EPS8L3: variants seen among roughly 807,000 people sequenced by gnomAD.
EPS8L3 encodes epidermal growth factor receptor kinase substrate 8-like protein 3.
In EPS8L3, 80 loss-of-function variants were observed where a neutral mutation model predicts 88.5. The ratio of observed to expected loss-of-function variants is 0.90; its 90% CI spans 0.75 to 1.09. EPS8L3 has a LOEUF of 1.09. Among genes scored for constraint, EPS8L3 ranks in the 50% least tolerant of loss-of-function variants. The pLI is 0.00. For missense variants in EPS8L3, 721 were observed against 735.2 expected (o/e 0.98, Z 0.22); for synonymous variants, 286 against 291.0 (o/e 0.98, Z 0.18).
chr1:109,751,920 G>T, intron 15 of EPS8L3, 75 bp downstream of exon 15: 1 of 1,564,548 alleles, frequency 6.4e-7, no homozygotes, highest in Non-Finnish European at 8.7e-7. Flanking sequence ...CTCCATCCCT[G>T]GACCATCCAC....
intron 12 of EPS8L3, among the ~76,000 whole-genome samples, chr1:109,753,758 C>A (rs780649388): frequency 6.6e-6 from 1 of 152,202 alleles, no homozygotes; most frequent in Non-Finnish European, 1.5e-5. Context: ...TGTTTGTGGC[C>A]TTCAGGCTTG....
rs1046858793 is a variant in EPS8L3, at chr1:109,759,939, G to A, written c.97-103C>T. Reference sequence around the variant, plus strand: ...CAGAAGAGGAAGAAGACGTGTCCTCGGCCCCCTTGAGGTAGGAGGTTCCAG... The same window carrying A: ...CAGAAGAGGAAGAAGACGTGTCCTCAGCCCCCTTGAGGTAGGAGGTTCCAG... On this transcript the variant is annotated intron_variant, in intron 3 of 18. Transcript: ENST00000361965. The surrounding 1 kb of genome is among the most constrained non-coding windows in gnomAD (Gnocchi z 4.2). 24 of 1,293,010 alleles carry A rather than the reference G, an allele frequency of 1.9e-5. No individual in the cohort carries two copies. Among genetic ancestry groups the A allele is most frequent in the Non-Finnish European group, 2.4e-5 (23 of 939,048 alleles). The allele number at this position is 1,293,010 out of a possible 1,614,324, so 80.1% of individuals were successfully genotyped here. A position where few individuals can be genotyped will look rare whatever the true frequency, so the allele number is the denominator to read the frequency against.
rs1650607636 is a variant in EPS8L3, at chr1:109,759,039, T to C, written c.461+23A>G. 1 of 1,583,316 alleles carries C rather than the reference T, an allele frequency of 6.3e-7. No individual in the cohort carries two copies. Among genetic ancestry groups the C allele is most frequent in the African/African-American group, 1.3e-5 (1 of 74,408 alleles). On this transcript the variant is annotated intron_variant, in intron 6 of 18. Transcript: ENST00000361965. This position sits in a 1 kb window ranked among gnomAD's most constrained non-coding sequence, Gnocchi z 4.2. ...AGGCTGAGCTGGGAGGCCCCATAGG[T>C]GGGCTGGGCAGAGGCTGCCTACCTT...
At chr1:109,751,445 A>C in intron 16 of EPS8L3, 94 bp from the exon 17 acceptor site, 1 of 1,412,200 alleles carries the variant, frequency 7.1e-7, no homozygotes, top group Non-Finnish European at 9.8e-7. Context: ...GTTCCCATCA[A>C]ATCACTTCTC....
In EPS8L3 at chr1:109,759,299, G is replaced by C; in HGVS notation, c.344C>G (p.Thr115Ser). 6.2e-7 allele frequency: 1 copy of C among 1,614,174 alleles called. No homozygotes were observed. The highest frequency in any genetic ancestry group is 2.2e-5 in the East Asian group (1 of 44,882). Reference sequence around the variant, plus strand: ...GCCTGGCAGGCCCGGCTCCTGCACGGTGATGGACAGGATGGAGTTGTAGGA... The same window carrying C: ...GCCTGGCAGGCCCGGCTCCTGCACGCTGATGGACAGGATGGAGTTGTAGGA... ...TCSYNSILSI[T>S]VQEPGLPGTS... Residue 115 changes from threonine (T) to serine (S), a missense_variant, in exon 5 of 19, where the codon ACC becomes AGC. Transcript: ENST00000361965. This position sits in a 1 kb window ranked among gnomAD's most constrained non-coding sequence, Gnocchi z 4.2.
Position 109,750,764 on chromosome 1 carries a change from C to T in EPS8L3, c.1666G>A (p.Gly556Arg), listed in dbSNP as rs148185176. 2.4e-4 allele frequency: 393 copies of T among 1,614,168 alleles called. 2 individuals are homozygous for T. In the Admixed American group the frequency reaches 3.4e-3, roughly 14 times the overall value. The change falls in exon 18 of 19, where the codon GGG (glycine) becomes AGG (arginine). Residue 556 changes from glycine to arginine, a missense_variant. Physicochemically the swap from Gly to Arg is moderately radical, Grantham distance 125 (BLOSUM62 -2). Transcript: ENST00000361965. ...ATVRTLGSLT[G>R]SQLLRIRPGE... is the part of the protein sequence containing the mutation. Reference sequence around the variant, plus strand: ...GGTCTTATGCGAAGTAGCTGGCTCCCCGTCAGGGACCCAAGTGTCCTCACC... The same window carrying T: ...GGTCTTATGCGAAGTAGCTGGCTCCTCGTCAGGGACCCAAGTGTCCTCACC...
intron 16 of EPS8L3, 38 bp downstream of exon 16, chr1:109,751,616 A>G: frequency 6.2e-7 from 1 of 1,612,584 alleles, no homozygotes; most frequent in South Asian, 1.1e-5. Flanking sequence ...CCTCCAACTC[A>G]AGACTTAGGG....
chr1:109,752,976 G>A, intron 13 of EPS8L3, 141 bp downstream of exon 13: 2 of 758,790 alleles, frequency 2.6e-6, no homozygotes, highest in Non-Finnish European at 2.2e-6. Context: ...CAGTCTGGTG[G>A]TGACTTTTGG....
intron 1 of EPS8L3, among the ~76,000 whole-genome samples, chr1:109,763,058 C>T (rs1651164949): frequency 6.6e-6 from 1 of 152,170 alleles, no homozygotes; most frequent in Non-Finnish European, 1.5e-5. Context: ...TACTGGACTA[C>T]CCCGGGTAAC....
intron 6 of EPS8L3, 117 bp from the exon 7 acceptor site, chr1:109,758,780 C>G (rs1650576861): frequency 9.8e-6 from 13 of 1,324,400 alleles, no homozygotes; most frequent in Admixed American, 2.7e-5. Flanking sequence ...AGTCCCACCC[C>G]CTGCTCCCTG....
At chr1:109,750,530 C>G (rs962867049) in intron 18 of EPS8L3, 128 bp from the exon 19 acceptor site, 10 of 1,575,420 alleles carry the variant, frequency 6.3e-6, no homozygotes, top group Non-Finnish European at 8.7e-6. Context: ...GGGGAATATC[C>G]TGTGCCCAGC....
intron 13 of EPS8L3, 136 bp downstream of exon 13, chr1:109,752,980 CT>C: frequency 1.3e-6 from 1 of 795,056 alleles, no homozygotes; most frequent in Non-Finnish European, 2.1e-6. Flanking sequence ...CTGGTGGTGA[CT>C]TTTGGGTTTC....
chr1:109,758,768 G>T, intron 6 of EPS8L3, 105 bp from the exon 7 acceptor site: 2 of 1,400,340 alleles, frequency 1.4e-6, no homozygotes, highest in Non-Finnish European at 1.9e-6. Context: ...CCTCTCTCCA[G>T]GAGTCCCACC....
rs760984560 is a variant in EPS8L3, at chr1:109,757,121, G to C, written c.1014C>G (p.Ile338Met). 2.5e-6 allele frequency: 4 copies of C among 1,613,994 alleles called. No homozygotes were observed. The highest frequency in any genetic ancestry group is 3.4e-6 in the Non-Finnish European group (4 of 1,179,924). Reference sequence around the variant, plus strand: ...TAGCTTTAGGGGTGAGGAGGGGTGAGATCACTTGGGCTGCTAGGCCAGCCT... The same window carrying C: ...TAGCTTTAGGGGTGAGGAGGGGTGACATCACTTGGGCTGCTAGGCCAGCCT... ...CPEAGLAAQV[I>M]SPLLTPKAIN... Residue 338 changes from isoleucine (I) to methionine (M), a missense_variant, in exon 12 of 19, where the codon ATC (isoleucine) becomes ATG (methionine). By Grantham distance (10) the Ile-to-Met change is conservative (BLOSUM62 1). Coordinates refer to ENST00000361965, the MANE Select transcript of EPS8L3 (RefSeq NM_133181.4).
intron 16 of EPS8L3, 105 bp from the exon 17 acceptor site, chr1:109,751,456 T>G (rs920243499): frequency 1.5e-6 from 2 of 1,299,866 alleles, no homozygotes; most frequent in African/African-American, 1.6e-5. Flanking sequence ...ATCACTTCTC[T>G]TACTCTGTGG....
At position 109,759,057 on chromosome 1, in the gene EPS8L3, C is replaced by T; in HGVS notation, c.461+5G>A. On this transcript the variant is annotated splice_donor_5th_base_variant and intron_variant, in intron 6 of 18. Coordinates refer to ENST00000361965, the MANE Select transcript of EPS8L3 (RefSeq NM_133181.4). The surrounding 1 kb of genome is among the most constrained non-coding windows in gnomAD (Gnocchi z 4.2). ...CCATAGGTGGGCTGGGCAGAGGCTG[C>T]CTACCTTTGCTCCAGCTCTTCCTCC... is the stretch of plus-strand genomic sequence containing the variant. 1.9e-6 allele frequency: 3 copies of T among 1,597,834 alleles called. No individual in the cohort carries two copies. The highest frequency in any genetic ancestry group is 2.6e-6 in the Non-Finnish European group (3 of 1,173,072).
In EPS8L3 at chr1:109,759,902, G is replaced by C. The variant is rs2101514247; in HGVS notation, c.97-66C>G. 7 of 1,546,474 alleles carry C rather than the reference G, an allele frequency of 4.5e-6. No individual in the cohort carries two copies. Among genetic ancestry groups the C allele is most frequent in the Non-Finnish European group, 6.2e-6 (7 of 1,137,850 alleles). Reference sequence around the variant, plus strand: ...AGAGAGGTGGACCACAGGCGTGCTGGGTAGAGAAAAGCAGAAGAGGAAGAA... The same window carrying C: ...AGAGAGGTGGACCACAGGCGTGCTGCGTAGAGAAAAGCAGAAGAGGAAGAA... On this transcript the variant is annotated intron_variant, in intron 3 of 18. Coordinates refer to ENST00000361965, the MANE Select transcript of EPS8L3 (RefSeq NM_133181.4). This position sits in a 1 kb window ranked among gnomAD's most constrained non-coding sequence, Gnocchi z 4.2.
chr1:109,763,629 T>C (rs1201422445), intron 1 of EPS8L3, among the ~76,000 whole-genome samples, 193 bp downstream of exon 1: 1 of 152,190 alleles, frequency 6.6e-6, no homozygotes, highest in Non-Finnish European at 1.5e-5. Context: ...TTCCGGAGCC[T>C]GGACCTCGCT....
In EPS8L3 at chr1:109,761,806, A is replaced by G. The variant is rs1651000293; in HGVS notation, c.-24-33T>C. ...CCAAAGTGAACCAGAGGCAGCCATCAGAGCTGGGGAAAGGTGTACCAGGCA... is the reference window on the plus strand; with the variant it reads ...CCAAAGTGAACCAGAGGCAGCCATCGGAGCTGGGGAAAGGTGTACCAGGCA... On this transcript the variant is annotated intron_variant, in intron 1 of 18. Transcript: ENST00000361965. 4 of 1,599,730 alleles carry G rather than the reference A, an allele frequency of 2.5e-6. No individual in the cohort carries two copies. In the South Asian group the frequency reaches 4.4e-5, roughly 18 times the overall value.
Sources: allele counts gnomAD v4.1 joint callset (sites outside exome capture counted in the v4.1 genomes callset), GRCh38; gene constraint gnomAD v4.1.1; non-coding constraint Gnocchi (gnomAD v3.1); transcripts MANE v1.5; gene names NCBI Gene and HGNC (gene_info 2026-07-23, HGNC 2026-07-21).